Variants in TMEM135 observed in about 807,000 individuals in gnomAD.
The protein encoded by TMEM135 is peroxisomal membrane protein 52.
A neutral mutation model predicts 60.3 loss-of-function variants in TMEM135; 30 were observed. The observed-to-expected ratio is 0.50, with a 90% CI of 0.37 to 0.68. The LOEUF (loss-of-function observed/expected upper bound fraction) is 0.68. Ranked by LOEUF, TMEM135 falls within the 30% of genes least tolerant of loss-of-function variation. The pLI is 0.00. For missense variants in TMEM135, 468 were observed against 548.8 expected (o/e 0.85, Z 1.47); for synonymous variants, 190 against 186.7 (o/e 1.02, Z -0.14).
chr11:87,145,741 C>T (rs1005435476), intron 4 of TMEM135, among the ~76,000 whole-genome samples: 1 of 151,638 alleles, frequency 6.6e-6, no homozygotes, highest in African/African-American at 2.4e-5. Context: ...TGAGAAATGT[C>T]TATTCAGGTC....
chr11:87,098,910 G>C (rs1857390873), intron 4 of TMEM135, among the ~76,000 whole-genome samples: 1 of 152,018 alleles, frequency 6.6e-6, no homozygotes. Context: ...GGATGGTCTC[G>C]ATCTCCTGAC....
intron 4 of TMEM135, among the ~76,000 whole-genome samples, chr11:87,128,368 C>A (rs542632178): frequency 6.6e-6 from 1 of 152,246 alleles, no homozygotes; most frequent in East Asian, 1.9e-4. Context: ...CTAGCTGTTT[C>A]AACCTTCTGC....
At chr11:87,306,747 C>G (rs1565165521) in intron 9 of TMEM135, among the ~76,000 whole-genome samples, 1 of 152,082 alleles carries the variant, frequency 6.6e-6, no homozygotes, top group Non-Finnish European at 1.5e-5. Flanking sequence ...AAGACAGAGT[C>G]TCGCTCAGCC....
At chr11:87,121,363 TAG>T (rs1858051631) in intron 4 of TMEM135, 1 of 152,134 alleles carries the variant, frequency 6.6e-6, no homozygotes, top group South Asian at 2.1e-4. Context: ...CAGTATAATG[TAG>T]AAGAATAAAT....
chr11:87,250,430 TTTCTC>T (rs1307703245), intron 6 of TMEM135, among the ~76,000 whole-genome samples: 2 of 152,156 alleles, frequency 1.3e-5, no homozygotes, highest in East Asian at 3.9e-4. Context: ...ATTATAAACT[TTTCTC>T]TTAGTATTGC....
rs1307874351 is a variant in TMEM135, at chr11:87,201,948, TTTTTA to T, written c.463-34688_463-34684del. 1.5e-3 allele frequency among the ~76,000 whole-genome samples: 191 copies of T among 126,376 alleles called. 1 individual carries two copies. Among genetic ancestry groups the T allele is most frequent in the South Asian group, 9.9e-3 (38 of 3,822 alleles). 82.9% of individuals were successfully genotyped at this position (126,376 alleles called of 152,430 possible). Reference sequence around the variant, plus strand: ...ATATGCATTCACTTTTGGTATTTATTTTTTATGTTATGTTATGTTATGTTATGTTA... The same window carrying T: ...ATATGCATTCACTTTTGGTATTTATTTGTTATGTTATGTTATGTTATGTTA... On this transcript the variant is annotated intron_variant, in intron 5 of 14. Coordinates refer to ENST00000305494, the MANE Select transcript of TMEM135 (RefSeq NM_022918.4).
intron 4 of TMEM135, among the ~76,000 whole-genome samples, chr11:87,151,961 G>T (rs1938566387): frequency 6.6e-6 from 1 of 152,152 alleles, no homozygotes; most frequent in Non-Finnish European, 1.5e-5. Flanking sequence ...TAGTATGAGA[G>T]GGAGGTGATC....
chr11:87,205,777 G>A (rs117251151), intron 5 of TMEM135, among the ~76,000 whole-genome samples: 279 of 152,192 alleles, frequency 1.8e-3, no homozygotes, highest in Non-Finnish European at 2.9e-3. Flanking sequence ...GTTAAGTTTC[G>A]TTCTTGATCT....
chr11:87,248,040 A>G (rs945221836), intron 6 of TMEM135, among the ~76,000 whole-genome samples: 27 of 152,132 alleles, frequency 1.8e-4, no homozygotes, highest in African/African-American at 6.5e-4. Context: ...AAAAAAAAGA[A>G]AATAGCTGAA....
intron 5 of TMEM135, among the ~76,000 whole-genome samples, chr11:87,184,040 C>G (rs987427616): frequency 6.9e-6 from 1 of 145,632 alleles, no homozygotes; most frequent in Non-Finnish European, 1.5e-5. Context: ...TGAACATTTT[C>G]TACTTAGAAA....
At chr11:87,167,009 A>C (rs1032485238) in intron 5 of TMEM135, among the ~76,000 whole-genome samples, 2 of 152,120 alleles carry the variant, frequency 1.3e-5, no homozygotes, top group Non-Finnish European at 2.9e-5. Context: ...ATCTCTTTGA[A>C]GAGGTCCTTC....
At chr11:87,264,736 A>G (rs935952529) in intron 6 of TMEM135, among the ~76,000 whole-genome samples, 1 of 151,912 alleles carries the variant, frequency 6.6e-6, no homozygotes, top group South Asian at 2.1e-4. Flanking sequence ...GATCTATGGT[A>G]GGTTAATTTT....
At position 87,321,551 on chromosome 11, in the gene TMEM135, G is replaced by A. The variant is rs1444738630; in HGVS notation, c.*218G>A. 1 of 674,720 alleles carries A rather than the reference G, an allele frequency of 1.5e-6. No individual in the cohort carries two copies. Among genetic ancestry groups the A allele is most frequent in the East Asian group, 2.9e-5 (1 of 34,614 alleles). 41.8% of individuals were successfully genotyped at this position (674,720 alleles called of 1,614,324 possible). A position where few individuals can be genotyped will look rare whatever the true frequency, so the allele number is the denominator to read the frequency against. ...TCCTCCATAGCCAGAATAAGATTCT[G>A]GATCACTGTAGTGACTGACATTATA... On this transcript the variant is annotated 3_prime_UTR_variant, in exon 15 of 15. Transcript: ENST00000305494.
intron 5 of TMEM135, among the ~76,000 whole-genome samples, chr11:87,164,677 A>T (rs1254126872): frequency 1.1e-5 from 1 of 94,432 alleles, no homozygotes; most frequent in Non-Finnish European, 2.0e-5. Flanking sequence ...ATGAGCATGG[A>T]ATGTTCTTCC....
chr11:87,254,801 T>C (rs1941488312), intron 6 of TMEM135, among the ~76,000 whole-genome samples: 1 of 152,044 alleles, frequency 6.6e-6, no homozygotes, highest in Admixed American at 6.6e-5. Flanking sequence ...TGGCGAGTGA[T>C]GGGACAGAAG....
chr11:87,046,330 G>A (rs564522695), intron 1 of TMEM135, among the ~76,000 whole-genome samples: 1 of 152,366 alleles, frequency 6.6e-6, no homozygotes, highest in South Asian at 2.1e-4. Context: ...CTTGCAGCGA[G>A]TGGAGATCTC....
At chr11:87,140,669 G>C (rs560151612) in intron 4 of TMEM135, among the ~76,000 whole-genome samples, 1 of 152,184 alleles carries the variant, frequency 6.6e-6, no homozygotes, top group East Asian at 1.9e-4. Flanking sequence ...TTTAATATTT[G>C]TTTTTTTATC....
intron 6 of TMEM135, among the ~76,000 whole-genome samples, chr11:87,254,927 C>T (rs963773142): frequency 4.6e-5 from 7 of 151,998 alleles, no homozygotes; most frequent in Admixed American, 3.3e-4. Context: ...ATTGTTTGAG[C>T]CCAGGGGTTC....
At chr11:87,050,630 C>G (rs1949833532) in intron 1 of TMEM135, among the ~76,000 whole-genome samples, 1 of 32,940 alleles carries the variant, frequency 3.0e-5, no homozygotes, top group African/African-American at 2.8e-4. Context: ...AGTTGAATCT[C>G]TGAATAGACC....
Sources: allele counts gnomAD v4.1 joint callset (sites outside exome capture counted in the v4.1 genomes callset), GRCh38; gene constraint gnomAD v4.1.1; transcripts MANE v1.5; gene names NCBI Gene and HGNC (gene_info 2026-07-23, HGNC 2026-07-21).